The following NRTN variants were observed in gnomAD, a reference collection of about 807,000 sequenced individuals.
The protein encoded by NRTN is prepro-neurturin.
In NRTN, 3 loss-of-function variants were observed where a neutral mutation model predicts 7.5. The observed-to-expected ratio is 0.40, with a 90% confidence interval of 0.18 to 1.03. NRTN has a LOEUF of 1.03. Ranked by LOEUF, NRTN falls within the 50% of genes least tolerant of loss-of-function variation. The probability of loss-of-function intolerance (pLI) is 0.34; values close to 1 mark genes in which losing one functional copy is unlikely to be tolerated. For missense variants in NRTN, 310 were observed against 307.0 expected (o/e 1.01, Z -0.07); for synonymous variants, 157 against 146.6 (o/e 1.07, Z -0.51).
At chr19:5,821,412 C>A (rs1305505304) in intron 1 of NRTN, among the ~76,000 whole-genome samples, 2 of 145,920 alleles carry the variant, frequency 1.4e-5, no homozygotes, top group Admixed American at 1.4e-4. Flanking sequence ...TCAAGCGATT[C>A]TCCTGCCTCA....
At chr19:5,825,258 C>T in intron 2 of NRTN, among the ~76,000 whole-genome samples, 1 of 152,162 alleles carries the variant, frequency 6.6e-6, no homozygotes, top group Admixed American at 6.5e-5. Context: ...ATCCCTAATG[C>T]CTGCCCCACC....
At chr19:5,816,218 C>G (rs2057004783) in intron 1 of NRTN, among the ~76,000 whole-genome samples, 1 of 151,986 alleles carries the variant, frequency 6.6e-6, no homozygotes, top group Admixed American at 6.6e-5. Flanking sequence ...ACCAGTATTT[C>G]TGCTAACGTC....
chr19:5,813,208 C>G (rs1326718415), intron 1 of NRTN, among the ~76,000 whole-genome samples: 1 of 151,074 alleles, frequency 6.6e-6, no homozygotes, highest in East Asian at 1.9e-4. Flanking sequence ...GACTTTGTCT[C>G]TATTAAAAAA....
At chr19:5,812,926 A>T (rs937293440) in intron 1 of NRTN, among the ~76,000 whole-genome samples, 2 of 152,164 alleles carry the variant, frequency 1.3e-5, no homozygotes, top group African/African-American at 4.8e-5. Context: ...CGCGGCGTTC[A>T]CACACACAGG....
intron 1 of NRTN, among the ~76,000 whole-genome samples, chr19:5,821,294 C>CTTTTTTTTT (rs33932385): frequency 2.0e-5 from 1 of 49,130 alleles, no homozygotes; most frequent in Admixed American, 3.1e-4. Context: ...CAGTGCCTAG[C>CTTTTTTTTT]TTTTTTTTTT....
intron 1 of NRTN, among the ~76,000 whole-genome samples, chr19:5,812,026 C>G (rs140931923): frequency 2.6e-5 from 4 of 151,386 alleles, no homozygotes; most frequent in African/African-American, 7.3e-5. Context: ...CCCAATACCA[C>G]GCCCAGCCAA....
intron 1 of NRTN, among the ~76,000 whole-genome samples, chr19:5,818,694 G>A (rs2057013770): frequency 6.6e-6 from 1 of 151,974 alleles, no homozygotes; most frequent in Non-Finnish European, 1.5e-5. Context: ...CCCTAGGTTA[G>A]GGCCTCCGGG....
chr19:5,813,072 C>T (rs768785427), intron 1 of NRTN, among the ~76,000 whole-genome samples: 13 of 152,128 alleles, frequency 8.5e-5, no homozygotes, highest in Non-Finnish European at 1.6e-4. Flanking sequence ...TGGCACCCTT[C>T]GTGCCCTATT....
At chr19:5,816,068 T>C (rs1402911545) in intron 1 of NRTN, among the ~76,000 whole-genome samples, 1 of 150,024 alleles carries the variant, frequency 6.7e-6, no homozygotes, top group African/African-American at 2.5e-5. Flanking sequence ...AAAAATTTAT[T>C]ATTTTCTATT....
chr19:5,824,144 A>G lies in NRTN; in HGVS notation c.-22A>G. 1 of 1,603,372 alleles carries G rather than the reference A, an allele frequency of 6.2e-7. No individual in the cohort carries two copies. On this transcript the variant is annotated 5_prime_UTR_variant, in exon 2 of 3. Transcript: ENST00000303212. ...GGACAGACGGGGCGTGCGGCTGACC[A>G]TCCCGTGCCCGCAGGCTGAGGATGC...
intron 1 of NRTN, among the ~76,000 whole-genome samples, chr19:5,821,727 A>G (rs1599638210): frequency 1.3e-5 from 2 of 152,004 alleles, no homozygotes; most frequent in East Asian, 3.8e-4. Context: ...TCCCCTGCAA[A>G]TTCACTCTCA....
intron 2 of NRTN, among the ~76,000 whole-genome samples, chr19:5,827,160 G>A (rs1476947251): frequency 6.6e-6 from 1 of 152,102 alleles, no homozygotes; most frequent in Non-Finnish European, 1.5e-5. Flanking sequence ...GGGGATGGAG[G>A]GAGTCTGAAA....
intron 1 of NRTN, among the ~76,000 whole-genome samples, chr19:5,815,454 C>G (rs576812544): frequency 7.7e-6 from 1 of 129,606 alleles, no homozygotes; most frequent in South Asian, 2.4e-4. Context: ...TTTTTGGAGA[C>G]GAAGTCTCGG....
At position 5,823,907 on chromosome 19, in the gene NRTN, G is replaced by T. The variant is rs913493928; in HGVS notation, c.-259G>T. ...CAACTCCTACGTTTATTCAAGTCTG[G>T]ACCTTGTCATCGGCTCCTCAGGAAG... On this transcript the variant is annotated 5_prime_UTR_variant, in exon 2 of 3. Transcript: ENST00000303212. The T allele has an allele frequency of 8.5e-6, 5 of 589,552 alleles. No individual in the cohort carries two copies. The East Asian group carries it at 1.1e-4, about 13-fold the overall frequency. 36.5% of individuals were successfully genotyped at this position (589,552 alleles called of 1,614,324 possible).
intron 1 of NRTN, among the ~76,000 whole-genome samples, chr19:5,820,738 G>GAAAAAA: frequency 2.6e-5 from 1 of 39,064 alleles, no homozygotes; most frequent in Non-Finnish European, 5.5e-5. Flanking sequence ...TCTGTCTCAA[G>GAAAAAA]AAAAAAAAAA....
intron 1 of NRTN, among the ~76,000 whole-genome samples, chr19:5,810,724 A>T (rs1337914851): frequency 6.6e-6 from 1 of 151,926 alleles, no homozygotes; most frequent in Non-Finnish European, 1.5e-5. Flanking sequence ...ACGAGGTCAG[A>T]TCAAGACCAC....
At position 5,806,932 on chromosome 19, in the gene NRTN, C is replaced by T. The variant is rs910081982; in HGVS notation, c.-399+1481C>T. 2.0e-5 allele frequency among the ~76,000 whole-genome samples: 3 copies of T among 152,116 alleles called. No homozygotes were observed. Among genetic ancestry groups the T allele is most frequent in the Non-Finnish European group, 4.4e-5 (3 of 68,028 alleles). Reference sequence around the variant, plus strand: ...GACAAATGTGTGTCGATGGCAACCGCGTGGTTGACTGGTGTCAGGGTTGTT... The same window carrying T: ...GACAAATGTGTGTCGATGGCAACCGTGTGGTTGACTGGTGTCAGGGTTGTT... On this transcript the variant is annotated intron_variant, in intron 1 of 2. Transcript: ENST00000303212. The surrounding 1 kb of genome is among the most constrained non-coding windows in gnomAD (Gnocchi z 5.4).
In NRTN at chr19:5,818,401, G is replaced by A. The variant is rs142606001; in HGVS notation, c.-398-5367G>A. On this transcript the variant is annotated intron_variant, in intron 1 of 2. Coordinates refer to ENST00000303212, the MANE Select transcript of NRTN (RefSeq NM_004558.5). The stretch of plus-strand genomic sequence containing the variant: ...AAAGAACCTGAGTGTGAGGATATGA[G>A]ATGGCTGGGTGTGAATGAGTGTGAG... Among the ~76,000 whole-genome samples the A allele has an allele frequency of 6.6e-4, 101 of 152,278 alleles. No homozygotes were observed. The East Asian group carries it at 0.018, about 27-fold the overall frequency.
intron 1 of NRTN, among the ~76,000 whole-genome samples, 200 bp from the exon 2 acceptor site, chr19:5,823,568 G>A (rs367843446): frequency 1.3e-5 from 2 of 152,172 alleles, no homozygotes; most frequent in Non-Finnish European, 2.9e-5. Context: ...CCACTTCTGG[G>A]CCTGCTTATC....
Sources: gnomAD v4.1 joint callset for allele counts (sites outside exome capture counted in the v4.1 genomes callset) on GRCh38, gnomAD v4.1.1 for gene constraint, Gnocchi (gnomAD v3.1) non-coding constraint, MANE v1.5 for transcripts, NCBI Gene and HGNC (gene_info 2026-07-23, HGNC 2026-07-21) for gene names.